INSL6: variants seen among roughly 807,000 people sequenced by gnomAD.
INSL6 encodes insulin-like peptide INSL6.
INSL6 carries 16 observed loss-of-function variants against 9.4 expected under a neutral mutation model. The ratio of observed to expected loss-of-function variants is 1.70; its 90% CI spans 1.15 to 2.59. The LOEUF is 2.59. Ranked by LOEUF, INSL6 falls within the 30% of genes most tolerant of loss-of-function variation. The pLI is 0.00. For missense variants in INSL6, 391 were observed against 257.3 expected (o/e 1.52, Z -3.56); for synonymous variants, 154 against 96.9 (o/e 1.59, Z -3.46).
chr9:5,076,740 C>T, the INSL6 span, among the ~76,000 whole-genome samples: 1 of 151,150 alleles, frequency 6.6e-6, no homozygotes, highest in African/African-American at 2.4e-5. Context: ...CCCTATTTTC[C>T]ACTAGTAATG....
At chr9:5,184,530 G>A (rs1409229526) in intron 1 of INSL6, among the ~76,000 whole-genome samples, 1 of 152,184 alleles carries the variant, frequency 6.6e-6, no homozygotes, top group Non-Finnish European at 1.5e-5. Flanking sequence ...GATGTGCTAG[G>A]CCATCTGCTA....
the INSL6 span, chr9:5,095,082 T>C: frequency 6.6e-6 from 1 of 152,138 alleles, no homozygotes; most frequent in Non-Finnish European, 1.5e-5. Flanking sequence ...AATCCTCTTA[T>C]TTCTGGAACT....
chr9:5,112,630 C>G, the INSL6 span: 2 of 988,386 alleles, frequency 2.0e-6, no homozygotes, highest in Non-Finnish European at 2.9e-6. Flanking sequence ...TGCACCTCAA[C>G]AGCGAGAAGC....
At chr9:5,145,501 C>A (rs2130890316) in intron 2 of INSL6, among the ~76,000 whole-genome samples, 1 of 152,244 alleles carries the variant, frequency 6.6e-6, no homozygotes, top group South Asian at 2.1e-4. Context: ...GAACGTTTGC[C>A]TGTCTTGCTA....
chr9:5,110,011 T>C, the INSL6 span: 1 of 152,234 alleles, frequency 6.6e-6, no homozygotes, highest in Admixed American at 6.5e-5. Flanking sequence ...ATTGGTTTTA[T>C]TTTAGTTATA....
At chr9:5,023,377 G>T in the INSL6 span, among the ~76,000 whole-genome samples, 7 of 152,170 alleles carry the variant, frequency 4.6e-5, no homozygotes, top group South Asian at 8.3e-4. Flanking sequence ...AGGGGAGTAC[G>T]CATTCTGTTG....
At chr9:5,059,237 C>T in the INSL6 span, among the ~76,000 whole-genome samples, 1 of 152,156 alleles carries the variant, frequency 6.6e-6, no homozygotes, top group Non-Finnish European at 1.5e-5. Context: ...TATTCACCTC[C>T]ACCCCTAACT....
the INSL6 span, among the ~76,000 whole-genome samples, chr9:5,115,062 G>C: frequency 6.6e-6 from 1 of 152,162 alleles, no homozygotes; most frequent in African/African-American, 2.4e-5. Context: ...AGCCAAAATA[G>C]ACAGATGGGA....
At chr9:5,111,448 TC>T in the INSL6 span, 1 of 392,704 alleles carries the variant, frequency 2.5e-6, no homozygotes. Flanking sequence ...CGCCTGGTCT[TC>T]CATCCTCGGC....
chr9:5,044,571 C>A, the INSL6 span: 1 of 1,151,420 alleles, frequency 8.7e-7, no homozygotes, highest in Non-Finnish European at 1.3e-6. Flanking sequence ...AAATATCTTG[C>A]TGTTTAATAA....
At chr9:5,175,517 C>G (rs890726905) in intron 1 of INSL6, among the ~76,000 whole-genome samples, 4 of 152,140 alleles carry the variant, frequency 2.6e-5, no homozygotes, top group African/African-American at 9.7e-5. Flanking sequence ...TGATCTAAAA[C>G]AGGGGGTCCC....
intron 1 of INSL6, among the ~76,000 whole-genome samples, chr9:5,183,063 G>A (rs1192430081): frequency 1.3e-5 from 2 of 152,108 alleles, no homozygotes; most frequent in Non-Finnish European, 2.9e-5. Flanking sequence ...GCTGGTAAAA[G>A]TGAAATAAAA....
the INSL6 span, among the ~76,000 whole-genome samples, chr9:5,006,631 A>G: frequency 1.3e-5 from 2 of 152,304 alleles, no homozygotes; most frequent in South Asian, 4.1e-4. Context: ...ATACAGCAAC[A>G]GGAAAGAGAC....
the INSL6 span, among the ~76,000 whole-genome samples, chr9:5,064,127 G>C: frequency 6.6e-6 from 1 of 152,210 alleles, no homozygotes; most frequent in African/African-American, 2.4e-5. Flanking sequence ...TTGCACTCCA[G>C]CCTGGGCGAC....
At chr9:5,081,356 TTTTGC>T in the INSL6 span, among the ~76,000 whole-genome samples, 1 of 152,184 alleles carries the variant, frequency 6.6e-6, no homozygotes, top group Non-Finnish European at 1.5e-5. Context: ...GCTGTATTTG[TTTTGC>T]TTTGTTCTCT....
chr9:4,996,023 A>G, the INSL6 span, among the ~76,000 whole-genome samples: 1 of 152,172 alleles, frequency 6.6e-6, no homozygotes, highest in Non-Finnish European at 1.5e-5. Flanking sequence ...TCATTTCATA[A>G]TGGCAATCCA....
the INSL6 span, among the ~76,000 whole-genome samples, chr9:5,007,885 G>A: frequency 3.3e-5 from 5 of 151,850 alleles, no homozygotes; most frequent in East Asian, 1.9e-4. Context: ...GTGCCACCAC[G>A]CCTGGCTAAT....
At chr9:5,181,136 A>AT (rs2130922518) in intron 1 of INSL6, among the ~76,000 whole-genome samples, 1 of 152,318 alleles carries the variant, frequency 6.6e-6, no homozygotes, top group East Asian at 1.9e-4. Context: ...TATTCCACGC[A>AT]TCCCAAATAA....
the INSL6 span, chr9:5,029,661 T>A: frequency 1.3e-6 from 1 of 790,426 alleles, no homozygotes; most frequent in South Asian, 2.1e-5. Flanking sequence ...AGATTTCGAC[T>A]GCTATTACAT....
Sources: allele counts gnomAD v4.1 joint callset (sites outside exome capture counted in the v4.1 genomes callset), GRCh38; gene constraint gnomAD v4.1.1; transcripts MANE v1.5; gene names NCBI Gene and HGNC (gene_info 2026-07-23, HGNC 2026-07-21).